FKBP11: variants seen among roughly 807,000 people sequenced by gnomAD.
FKBP11 encodes peptidyl-prolyl cis-trans isomerase FKBP11.
In FKBP11, 21 loss-of-function variants were observed where a neutral mutation model predicts 24.7. That is an observed-to-expected ratio of 0.85 (90% confidence interval 0.60 to 1.23). The LOEUF (loss-of-function observed/expected upper bound fraction) is 1.23, where lower values mean the gene tolerates loss of function less well. Ranked by LOEUF, FKBP11 falls within the 50% of genes most tolerant of loss-of-function variation. FKBP11 has a pLI of 0.00. For missense variants in FKBP11, 245 were observed against 248.7 expected, an observed-to-expected ratio of 0.99 and a Z score of 0.10; for synonymous variants, 106 against 100.6, an observed-to-expected ratio of 1.05 and a Z score of -0.32.
At chr12:48,930,632 A>T (rs1940035715), upstream of FKBP11, among the ~76,000 whole-genome samples, 1 of 152,210 alleles carries the variant, frequency 6.6e-6, no homozygotes, top group South Asian at 2.1e-4. Flanking sequence ...GAAAAACTAT[A>T]AAAGTCCTTG....
rs1372196807 is a variant in FKBP11, at chr12:48,924,474, G to A, written c.283+87C>T. ...CCCTAGGGTCTTACTCATTTCAGGGGGGATTTCCAGGGCAGCTTTGGAGCC... is the reference window on the plus strand; with the variant it reads ...CCCTAGGGTCTTACTCATTTCAGGGAGGATTTCCAGGGCAGCTTTGGAGCC... On this transcript the variant is annotated intron_variant, in intron 3 of 5. Transcript: ENST00000550765. The A allele has an allele frequency of 3.8e-6, 5 of 1,322,090 alleles. No individual in the cohort carries two copies. The African/African-American group carries it at 7.2e-5, about 19-fold the overall frequency. The allele number at this position is 1,322,090 out of a possible 1,614,324, so 81.9% of individuals were successfully genotyped here.
chr12:48,924,332 C>T, intron 3 of FKBP11, 76 bp from the exon 4 acceptor site: 1 of 1,556,696 alleles, frequency 6.4e-7, no homozygotes, highest in Non-Finnish European at 8.8e-7. Context: ...TCAAAGTCTT[C>T]CTCCTCCATC....
chr12:48,937,485 AT>A, the FKBP11 span: 4 of 152,578 alleles, frequency 2.6e-5, no homozygotes, highest in Non-Finnish European at 5.9e-5. Context: ...GAACAACTAC[AT>A]AATAATGCGG....
chr12:48,927,388 G>A (rs995333264), upstream of FKBP11, among the ~76,000 whole-genome samples: 6 of 152,094 alleles, frequency 3.9e-5, no homozygotes, highest in Admixed American at 3.9e-4. Flanking sequence ...ATTTCTAGGG[G>A]TGATGAAATG....
chr12:48,925,375 G>C lies in FKBP11; in HGVS notation c.54C>G (p.Leu18=), dbSNP rs918930828. 5 of 1,601,664 alleles carry C rather than the reference G, an allele frequency of 3.1e-6. No homozygotes were observed. Among genetic ancestry groups the C allele is most frequent in the Non-Finnish European group, 1.7e-6 (2 of 1,175,170 alleles). Residue 18 remains leucine (L), a synonymous_variant, in exon 1 of 6, where the codon CTC becomes CTG. Transcript: ENST00000550765. ...LPLHLLLLLL[L]SAAVCRAEAG... is the part of the protein sequence containing the mutation. ...CCTCAGCCCGGCACACCGCCGCACTGAGCAGCAGCAGCAGCAGCAGATGGA... is the reference window on the plus strand; with the variant it reads ...CCTCAGCCCGGCACACCGCCGCACTCAGCAGCAGCAGCAGCAGCAGATGGA...
upstream of FKBP11, chr12:48,925,632 A>C (rs2137559602): frequency 1.6e-6 from 1 of 641,318 alleles, no homozygotes; most frequent in African/African-American, 1.8e-5. Context: ...TGTACCCTCC[A>C]AGATCCGGAG....
rs1212513313 is a variant in FKBP11 at position 48,925,418 on chromosome 12, C to A, written c.11G>T (p.Arg4Leu). ...CAGATGGAGCGGGAGGAGTGAGGGG[C>A]GCAGGGTCATGACTGGGCGCGGGGC... MTL[R>L]PSLLPLHLLL... Residue 4 changes from arginine (R) to leucine (L), a missense_variant, in exon 1 of 6, where the codon CGC becomes CTC. Transcript: ENST00000550765. 1.3e-6 allele frequency: 2 copies of A among 1,571,406 alleles called. No homozygotes were observed. The highest frequency in any genetic ancestry group is 2.3e-5 in the South Asian group (2 of 85,898).
chr12:48,925,177 C>T (rs1245419443), intron 1 of FKBP11, 66 bp from the exon 2 acceptor site: 2 of 1,594,738 alleles, frequency 1.3e-6, no homozygotes, highest in Non-Finnish European at 8.6e-7. Flanking sequence ...CTAGACCCGG[C>T]ACCACCCCCA....
chr12:48,932,241 A>AAACATATATT, the FKBP11 span, among the ~76,000 whole-genome samples: 2 of 35,618 alleles, frequency 5.6e-5, no homozygotes, highest in East Asian at 1.2e-3. Flanking sequence ...ATATATATAT[A>AAACATATATT]TATATATATA....
chr12:48,924,005 T>C (rs1592231179), intron 4 of FKBP11, 153 bp from the exon 5 acceptor site: 1 of 895,594 alleles, frequency 1.1e-6, no homozygotes, highest in African/African-American at 1.6e-5. Context: ...CCAGCAAAGG[T>C]GTCCATCTCC....
Position 48,923,354 on chromosome 12 carries a change from T to C in FKBP11, c.388+428A>G. 4.2e-6 allele frequency: 6 copies of C among 1,431,850 alleles called. No homozygotes were observed. In the South Asian group the frequency reaches 7.7e-5, roughly 18 times the overall value. 88.7% of individuals were successfully genotyped at this position (1,431,850 alleles called of 1,614,324 possible). ...TGGCTTTAACAGTTGCTTTTTGTTT[T>C]GTTTTGAATCACTTGACTGTGATTA... On this transcript the variant is annotated intron_variant, in intron 5 of 5. Coordinates refer to ENST00000550765, the MANE Select transcript of FKBP11 (RefSeq NM_016594.3).
At chr12:48,938,682 G>GA in the FKBP11 span, 2 of 481,376 alleles carry the variant, frequency 4.2e-6, no homozygotes. Flanking sequence ...AGAGAGAGGG[G>GA]CCACCCCATG....
chr12:48,922,875 G>A (rs1347444092), intron 5 of FKBP11: 12 of 1,034,248 alleles, frequency 1.2e-5, no homozygotes, highest in Admixed American at 1.1e-4. Flanking sequence ...CCAGCCAGGC[G>A]CGGTGGCTCA....
intron 4 of FKBP11, 179 bp downstream of exon 4, chr12:48,924,044 C>T: frequency 4.5e-6 from 4 of 886,110 alleles, no homozygotes; most frequent in East Asian, 2.6e-5. Context: ...CCGACAAAAG[C>T]AACAGCGCAA....
the FKBP11 span, chr12:48,938,750 C>T: frequency 1.5e-6 from 1 of 650,464 alleles, no homozygotes; most frequent in African/African-American, 1.8e-5. Flanking sequence ...ATCATCAGGA[C>T]AGCAATTAGG....
upstream of FKBP11, chr12:48,925,670 C>T (rs1327378886): frequency 8.7e-6 from 5 of 573,290 alleles, no homozygotes; most frequent in Admixed American, 1.2e-4. Flanking sequence ...ATCCGTTAGA[C>T]GTTCTGTCCT....
intron 2 of FKBP11, 109 bp downstream of exon 2, chr12:48,924,937 C>T (rs959835413): frequency 1.4e-6 from 2 of 1,454,176 alleles, no homozygotes; most frequent in African/African-American, 2.8e-5. Context: ...CCCCAGAGCC[C>T]CGAGTTTCTT....
chr12:48,931,303 C>T (rs1940047308), upstream of FKBP11: 2 of 848,686 alleles, frequency 2.4e-6, no homozygotes, highest in African/African-American at 3.4e-5. Context: ...ATTGTCTTAT[C>T]CAGGTCTGAG....
chr12:48,925,315 G>C lies in FKBP11; in HGVS notation c.114C>G (p.Leu38=). The C allele has an allele frequency of 6.2e-7, 1 of 1,612,050 alleles. No homozygotes were observed. Among genetic ancestry groups the C allele is most frequent in the Non-Finnish European group, 8.5e-7 (1 of 1,179,528 alleles). The change falls in exon 1 of 6, where the codon CTC becomes CTG. Residue 38 remains leucine (L), a synonymous_variant. Transcript: ENST00000550765. Reference sequence around the variant, plus strand: ...ATCTCCTCACCAGGGTCTCCACTTGGAGGGTCCGGACGGGACTTTCGGTTT... The same window carrying C: ...ATCTCCTCACCAGGGTCTCCACTTGCAGGGTCCGGACGGGACTTTCGGTTT... ...GLETESPVRT[L]QVETLVEPPE...
Sources: allele counts gnomAD v4.1 joint callset (sites outside exome capture counted in the v4.1 genomes callset), GRCh38; gene constraint gnomAD v4.1.1; transcripts MANE v1.5; gene names NCBI Gene and HGNC (gene_info 2026-07-23, HGNC 2026-07-21).